The following OPCML variants were observed in gnomAD, a reference collection of about 807,000 sequenced individuals.
The protein encoded by OPCML is opioid-binding protein/cell adhesion molecule.
In OPCML, 13 loss-of-function variants were observed where a neutral mutation model predicts 37.8. That is an observed-to-expected ratio of 0.34 (90% CI 0.22 to 0.55). The LOEUF (loss-of-function observed/expected upper bound fraction) is 0.55. OPCML is among the 20% of genes least tolerant of loss of function. The probability of loss-of-function intolerance (pLI) is 0.91; values close to 1 mark genes in which losing one functional copy is unlikely to be tolerated. For synonymous variants in OPCML, 176 were observed against 168.8 expected (o/e 1.04, Z -0.33); for missense variants, 341 against 435.6 (o/e 0.78, Z 1.93).
intron 1 of OPCML, among the ~76,000 whole-genome samples, chr11:133,515,990 T>C (rs1270027145): frequency 6.6e-6 from 1 of 151,972 alleles, no homozygotes; most frequent in Admixed American, 6.6e-5. Context: ...CTGGCTCCCA[T>C]GCCTGCTCAA....
chr11:133,382,724 A>G (rs1338959381), intron 1 of OPCML, among the ~76,000 whole-genome samples: 1 of 152,154 alleles, frequency 6.6e-6, no homozygotes, highest in African/African-American at 2.4e-5. Flanking sequence ...GCAGGCAACG[A>G]GGGCTTTTCC....
chr11:133,458,281 T>A lies in OPCML; in HGVS notation c.61+73983A>T, dbSNP rs754647157. ...ACACGTGTGTGTATATATACACACA[T>A]ATATACACGTGTGTGTATATATATA... On this transcript the variant is annotated intron_variant, in intron 1 of 7. Transcript: ENST00000524381. Among the ~76,000 whole-genome samples the A allele has an allele frequency of 3.6e-3, 273 of 75,750 alleles. 14 individuals carry two copies. The highest frequency in any genetic ancestry group is 0.029 in the African/African-American group (145 of 5,012). The allele number at this position is 75,750 out of a possible 152,430, so 49.7% of individuals were successfully genotyped here.
intron 1 of OPCML, among the ~76,000 whole-genome samples, chr11:133,481,575 G>T (rs1215378394): frequency 6.6e-6 from 1 of 152,156 alleles, no homozygotes; most frequent in Non-Finnish European, 1.5e-5. Flanking sequence ...GTCCACAAAA[G>T]ATCATGTATC....
At chr11:132,445,993 C>T (rs548112200) in intron 4 of OPCML, among the ~76,000 whole-genome samples, 1 of 151,196 alleles carries the variant, frequency 6.6e-6, no homozygotes, top group East Asian at 2.0e-4. Context: ...ATAGCCAGGT[C>T]AGTCTCCAGC....
chr11:133,447,432 G>A (rs1946495639), intron 1 of OPCML, among the ~76,000 whole-genome samples: 2 of 152,260 alleles, frequency 1.3e-5, no homozygotes, highest in South Asian at 4.1e-4. Flanking sequence ...GGTATATTGT[G>A]TGATGCTGAG....
chr11:133,395,554 A>C (rs568973558), intron 1 of OPCML, among the ~76,000 whole-genome samples: 2 of 152,228 alleles, frequency 1.3e-5, no homozygotes, highest in African/African-American at 2.4e-5. Flanking sequence ...TCTTTAATCT[A>C]TTTTGATTCT....
chr11:132,987,360 G>A (rs751223070), intron 1 of OPCML, among the ~76,000 whole-genome samples: 3 of 152,142 alleles, frequency 2.0e-5, no homozygotes, highest in African/African-American at 7.2e-5. Flanking sequence ...ATGTAAGAAC[G>A]TGAAGACCAA....
chr11:132,754,086 A>G (rs1438942807), intron 2 of OPCML, among the ~76,000 whole-genome samples: 1 of 152,208 alleles, frequency 6.6e-6, no homozygotes, highest in Non-Finnish European at 1.5e-5. Flanking sequence ...AAGGGAAGGG[A>G]AGCCAGCAGG....
chr11:133,007,201 C>T (rs1947130296), intron 1 of OPCML: 2 of 985,422 alleles, frequency 2.0e-6, no homozygotes, highest in Non-Finnish European at 2.4e-6. Context: ...TAGCACAGTA[C>T]AACCTATTTT....
chr11:133,081,930 C>CCTTGCATCCCAA (rs1277470826), intron 1 of OPCML, among the ~76,000 whole-genome samples: 2 of 152,236 alleles, frequency 1.3e-5, no homozygotes, highest in South Asian at 2.1e-4. Flanking sequence ...GGCATCTGTC[C>CCTTGCATCCCAA]CTTGCATCCC....
intron 1 of OPCML, among the ~76,000 whole-genome samples, chr11:133,522,840 C>T (rs1948420555): frequency 6.6e-6 from 1 of 152,120 alleles, no homozygotes; most frequent in Non-Finnish European, 1.5e-5. Context: ...CTTTTGATTC[C>T]AAGGACCTTT....
intron 1 of OPCML, among the ~76,000 whole-genome samples, chr11:133,145,773 C>T (rs1335397426): frequency 6.6e-6 from 1 of 152,128 alleles, no homozygotes; most frequent in East Asian, 1.9e-4. Context: ...CCGGAGGGGT[C>T]AGCACTGGAA....
intron 1 of OPCML, among the ~76,000 whole-genome samples, chr11:133,477,330 C>A (rs1283556840): frequency 2.0e-5 from 3 of 152,158 alleles, no homozygotes; most frequent in African/African-American, 7.2e-5. Flanking sequence ...GGGTGGCTAG[C>A]AATTTCACAA....
intron 2 of OPCML, among the ~76,000 whole-genome samples, chr11:132,712,807 G>T (rs2135953924): frequency 6.6e-6 from 1 of 152,348 alleles, no homozygotes; most frequent in South Asian, 2.1e-4. Flanking sequence ...TGGTGGTCAG[G>T]GAAGGAGAGG....
At chr11:132,571,709 C>T (rs913276254) in intron 3 of OPCML, among the ~76,000 whole-genome samples, 1 of 152,108 alleles carries the variant, frequency 6.6e-6, no homozygotes, top group Non-Finnish European at 1.5e-5. Context: ...TCTTAGCTAT[C>T]GTGAATAGTG....
chr11:133,177,025 T>A lies in OPCML; in HGVS notation c.62-234015A>T, dbSNP rs916128036. On this transcript the variant is annotated intron_variant, in intron 1 of 7. Transcript: ENST00000524381. The surrounding 1 kb of genome is among the most constrained non-coding windows in gnomAD (Gnocchi z 5.0). ...CAGCTCAGCTCCTCCTGTGCCATCA[T>A]CCTGCCAGCGGGACCCTGGCAACAC... is the stretch of plus-strand genomic sequence containing the variant. Among the ~76,000 whole-genome samples, 8 of 152,326 alleles carry A rather than the reference T, an allele frequency of 5.3e-5. No individual in the cohort carries two copies. Among genetic ancestry groups the A allele is most frequent in the Admixed American group, 2.0e-4 (3 of 15,304 alleles).
chr11:133,288,721 T>C (rs1942372761), intron 1 of OPCML, among the ~76,000 whole-genome samples: 1 of 152,104 alleles, frequency 6.6e-6, no homozygotes, highest in Non-Finnish European at 1.5e-5. Context: ...CTGGTTTTGT[T>C]TGTTTGTTTT....
chr11:132,718,240 C>T (rs943888446), intron 2 of OPCML, among the ~76,000 whole-genome samples: 1 of 152,114 alleles, frequency 6.6e-6, no homozygotes, highest in Non-Finnish European at 1.5e-5. Flanking sequence ...GTGGAGCAGA[C>T]GTGATTTAAA....
chr11:132,992,292 C>A (rs772137348), intron 1 of OPCML, among the ~76,000 whole-genome samples: 32 of 151,752 alleles, frequency 2.1e-4, no homozygotes, highest in Admixed American at 1.9e-3. Context: ...CTCACTCATC[C>A]GGACACATAT....
Sources: gnomAD v4.1 joint callset for allele counts (sites outside exome capture counted in the v4.1 genomes callset) on GRCh38, gnomAD v4.1.1 for gene constraint, Gnocchi (gnomAD v3.1) non-coding constraint, MANE v1.5 for transcripts, NCBI Gene and HGNC (gene_info 2026-07-23, HGNC 2026-07-21) for gene names.